TMTC1: variants seen among roughly 807,000 people sequenced by gnomAD.
TMTC1 encodes protein O-mannosyl-transferase TMTC1.
Under a neutral mutation model 104.8 loss-of-function variants are expected in TMTC1, and 73 were observed. The observed-to-expected ratio is 0.70, with a 90% confidence interval of 0.58 to 0.85. The LOEUF is 0.85. Among genes scored for constraint, TMTC1 ranks in the 40% least tolerant of loss-of-function variants. TMTC1 has a pLI of 0.00. For synonymous variants in TMTC1, 434 were observed against 428.7 expected, an observed-to-expected ratio of 1.01 and a Z score of -0.15; for missense variants, 1,035 against 1,096.1, an observed-to-expected ratio of 0.94 and a Z score of 0.79.
chr12:29,633,215 T>C lies in TMTC1; in HGVS notation c.1060A>G (p.Asn354Asp). The C allele has an allele frequency of 6.2e-7, 1 of 1,614,014 alleles. No homozygotes were observed. The highest frequency in any genetic ancestry group is 8.5e-7 in the Non-Finnish European group (1 of 1,179,970). Reference protein sequence around the residue: ...PLVETIWDMRNLATIFLAVVM... With the variant: ...PLVETIWDMRDLATIFLAVVM... ...ACCGCCAGAAAGATGGTGGCTAAGT[T>C]CCGCATGTCCCATATGGTCTCTACC... Residue 354 changes from asparagine to aspartate, a missense_variant, in exon 6 of 18, where the codon AAC becomes GAC. By Grantham distance (23) the Asn-to-Asp change is conservative. Transcript: ENST00000539277.
intron 12 of TMTC1, among the ~76,000 whole-genome samples, chr12:29,520,040 G>A (rs895028750): frequency 5.9e-5 from 9 of 152,200 alleles, no homozygotes; most frequent in Non-Finnish European, 1.2e-4. Flanking sequence ...CATGCCAACA[G>A]TACAGAGGCA....
chr12:29,749,901 A>C (rs967805999), intron 5 of TMTC1, among the ~76,000 whole-genome samples: 3 of 151,758 alleles, frequency 2.0e-5, no homozygotes, highest in African/African-American at 7.3e-5. Context: ...TCATCTCTTC[A>C]TTGCAGTTTC....
chr12:29,708,823 C>T (rs1229433535), intron 5 of TMTC1, among the ~76,000 whole-genome samples: 1 of 152,116 alleles, frequency 6.6e-6, no homozygotes, highest in African/African-American at 2.4e-5. Flanking sequence ...AAGAGAGATT[C>T]CCAAAGTTTG....
At chr12:29,654,005 C>A (rs1939641506) in intron 5 of TMTC1, among the ~76,000 whole-genome samples, 1 of 152,058 alleles carries the variant, frequency 6.6e-6, no homozygotes, top group African/African-American at 2.4e-5. Flanking sequence ...AGATACTTGA[C>A]CAAGAGAGTT....
intron 5 of TMTC1, among the ~76,000 whole-genome samples, chr12:29,664,448 G>A (rs1940194556): frequency 6.6e-6 from 1 of 152,080 alleles, no homozygotes; most frequent in South Asian, 2.1e-4. Context: ...CACTCTAAGG[G>A]CTAAATTCTC....
At chr12:29,522,087 C>T (rs1944185352) in intron 11 of TMTC1, among the ~76,000 whole-genome samples, 1 of 152,086 alleles carries the variant, frequency 6.6e-6, no homozygotes, top group African/African-American at 2.4e-5. Context: ...ACATATATGC[C>T]CTGAGTATGG....
At chr12:29,719,942 C>G (rs1332564883) in intron 5 of TMTC1, among the ~76,000 whole-genome samples, 1 of 152,182 alleles carries the variant, frequency 6.6e-6, no homozygotes, top group Non-Finnish European at 1.5e-5. Context: ...ACTAGGATAT[C>G]ATGTGAACTG....
At chr12:29,771,887 A>G (rs145924317) in intron 1 of TMTC1, among the ~76,000 whole-genome samples, 6 of 152,310 alleles carry the variant, frequency 3.9e-5, no homozygotes, top group African/African-American at 1.4e-4. Context: ...CAAGTTCTCC[A>G]GGGGAAAAGA....
At chr12:29,522,192 C>T (rs1011302397) in intron 11 of TMTC1, among the ~76,000 whole-genome samples, 3 of 152,172 alleles carry the variant, frequency 2.0e-5, no homozygotes, top group African/African-American at 7.2e-5. Context: ...TGAGACGTGG[C>T]ACCTTAAGCT....
chr12:29,572,068 A>AGCACCAAG, intron 9 of TMTC1, 37 bp downstream of exon 9: 3 of 1,539,526 alleles, frequency 1.9e-6, no homozygotes, highest in Non-Finnish European at 2.7e-6. Flanking sequence ...CGGTCTTTAA[A>AGCACCAAG]GCACCAAGGC....
intron 10 of TMTC1, among the ~76,000 whole-genome samples, chr12:29,556,301 G>A (rs893042746): frequency 1.3e-5 from 2 of 152,146 alleles, no homozygotes; most frequent in Non-Finnish European, 2.9e-5. Context: ...TACTAATTCC[G>A]ACTACTAATT....
intron 14 of TMTC1, 149 bp from the exon 15 acceptor site, chr12:29,516,635 T>C: frequency 2.0e-6 from 2 of 1,013,744 alleles, no homozygotes; most frequent in Non-Finnish European, 2.7e-6. Context: ...TCACCAGTTT[T>C]CAGGTTTTGA....
At chr12:29,667,835 T>C (rs1051276122) in intron 5 of TMTC1, among the ~76,000 whole-genome samples, 6 of 152,222 alleles carry the variant, frequency 3.9e-5, no homozygotes, top group African/African-American at 1.4e-4. Flanking sequence ...TGGCAGGTAC[T>C]GAATCCATTT....
chr12:29,763,232 G>A (rs762543711), intron 2 of TMTC1, among the ~76,000 whole-genome samples: 2 of 152,160 alleles, frequency 1.3e-5, no homozygotes, highest in Non-Finnish European at 2.9e-5. Context: ...TCCCTTGCAG[G>A]AGAAGCTCAA....
chr12:29,761,237 TGAAGA>T lies in TMTC1; in HGVS notation c.481-2465_481-2461del, dbSNP rs915635159. 5.2e-4 allele frequency among the ~76,000 whole-genome samples: 79 copies of T among 151,166 alleles called. 1 individual carries two copies. The highest frequency in any genetic ancestry group is 1.9e-3 in the African/African-American group (78 of 41,444). ...CATACTAAAGGAGACTAATGAAAAC[TGAAGA>T]GAAATGACTAATGCTTTCAGCTTTC... On this transcript the variant is annotated intron_variant, in intron 2 of 17. Transcript: ENST00000539277.
chr12:29,744,124 G>A (rs1274761353), intron 5 of TMTC1, among the ~76,000 whole-genome samples: 5 of 152,200 alleles, frequency 3.3e-5, no homozygotes, highest in Non-Finnish European at 7.3e-5. Flanking sequence ...ATGTCCCTGT[G>A]CATCCAGTTG....
chr12:29,772,136 A>T (rs1366497081), intron 1 of TMTC1, among the ~76,000 whole-genome samples: 1 of 152,182 alleles, frequency 6.6e-6, no homozygotes, highest in Non-Finnish European at 1.5e-5. Flanking sequence ...TTACTTTCAT[A>T]CTTCTTTTTT....
intron 5 of TMTC1, among the ~76,000 whole-genome samples, chr12:29,647,174 CA>C (rs767160002): frequency 5.3e-5 from 8 of 152,172 alleles, no homozygotes; most frequent in Non-Finnish European, 1.0e-4. Flanking sequence ...TGCATATCAC[CA>C]GGCCTAGCTA....
intron 7 of TMTC1, among the ~76,000 whole-genome samples, chr12:29,596,642 G>A (rs1055347831): frequency 3.3e-5 from 5 of 152,146 alleles, no homozygotes; most frequent in Non-Finnish European, 7.3e-5. Flanking sequence ...CTGGTGCATT[G>A]AGCTTTTAAC....
Sources: allele counts gnomAD v4.1 joint callset (sites outside exome capture counted in the v4.1 genomes callset), GRCh38; gene constraint gnomAD v4.1.1; transcripts MANE v1.5; gene names NCBI Gene and HGNC (gene_info 2026-07-23, HGNC 2026-07-21).